The following JARID2 variants were observed in gnomAD, a reference collection of about 807,000 sequenced individuals.
JARID2 encodes protein Jumonji.
JARID2 carries 21 observed loss-of-function variants against 125.6 expected under a neutral mutation model. That is an observed-to-expected ratio of 0.17 (90% CI 0.12 to 0.24). The LOEUF is 0.24. JARID2 is among the 10% of genes least tolerant of loss of function. The pLI is 1.00. For missense variants in JARID2, 1,303 were observed against 1,639.6 expected (o/e 0.79, Z 3.55); for synonymous variants, 736 against 661.6 (o/e 1.11, Z -1.73).
At chr6:15,474,214 A>C (rs545097453) in intron 5 of JARID2, among the ~76,000 whole-genome samples, 4 of 152,356 alleles carry the variant, frequency 2.6e-5, no homozygotes, top group Admixed American at 1.3e-4. Flanking sequence ...TAGAGAAGGA[A>C]ATTATTGATC....
At chr6:15,297,839 C>T (rs1375678235) in intron 1 of JARID2, among the ~76,000 whole-genome samples, 1 of 151,838 alleles carries the variant, frequency 6.6e-6, no homozygotes, top group African/African-American at 2.4e-5. Context: ...CCTAGATTTT[C>T]TCTACAAATG....
At chr6:15,413,767 C>T (rs1013624619) in intron 3 of JARID2, among the ~76,000 whole-genome samples, 1 of 152,124 alleles carries the variant, frequency 6.6e-6, no homozygotes, top group Non-Finnish European at 1.5e-5. Context: ...CATGCCTCCA[C>T]GCCTGTCTAA....
intron 1 of JARID2, among the ~76,000 whole-genome samples, chr6:15,344,215 G>T (rs914914828): frequency 6.6e-6 from 1 of 151,006 alleles, no homozygotes; most frequent in Admixed American, 6.6e-5. Flanking sequence ...ATGAAAGAGG[G>T]AGATGTTTAC....
chr6:15,507,433 C>T lies in JARID2; in HGVS notation c.2731+17C>T. 1 of 1,610,766 alleles carries T rather than the reference C, an allele frequency of 6.2e-7. No individual in the cohort carries two copies. The highest frequency in any genetic ancestry group is 1.1e-5 in the South Asian group (1 of 90,918). On this transcript the variant is annotated intron_variant, in intron 11 of 17. Transcript: ENST00000341776. ...CTGTGCCTGGTAAGCCTGACTGTGG[C>T]CGCCTGCCTGTGGCAGCTGTGTCCA...
At chr6:15,440,087 G>A (rs1425458940) in intron 3 of JARID2, among the ~76,000 whole-genome samples, 2 of 152,198 alleles carry the variant, frequency 1.3e-5, no homozygotes, top group African/African-American at 2.4e-5. Flanking sequence ...TTTGACTTGA[G>A]ATGTAGTCAG....
At chr6:15,248,294 G>A (rs1314397087) in intron 1 of JARID2, 1 of 158,900 alleles carries the variant, frequency 6.3e-6, no homozygotes, top group Non-Finnish European at 1.3e-5. Flanking sequence ...GCCTATAGGG[G>A]GCATACTCCG....
chr6:15,501,338 G>A lies in JARID2; in HGVS notation c.2377G>A (p.Glu793Lys). 6.2e-7 allele frequency: 1 copy of A among 1,602,310 alleles called. No homozygotes were observed. Among genetic ancestry groups the A allele is most frequent in the East Asian group, 2.2e-5 (1 of 44,716 alleles). The stretch of plus-strand genomic sequence containing the variant: ...TGGCCGGCGGCGACTCTTCGCTCAG[G>A]AAAAAGAAGTGGTCAAGGAAGAGGA... ...KTGRRRLFAQ[E>K]KEVVKEEEED... The change falls in exon 8 of 18, where the codon GAA becomes AAA. Residue 793 changes from glutamate to lysine, a missense_variant. Coordinates refer to ENST00000341776, the MANE Select transcript of JARID2 (RefSeq NM_004973.4).
rs566123582 is a variant in JARID2 at position 15,439,353 on chromosome 6, G to A, written c.324-12653G>A. On this transcript the variant is annotated intron_variant, in intron 3 of 17. Transcript: ENST00000341776. ...TGCTGTTATGTTTTATTAGGATGTC[G>A]TGCAATTTATTCTCCCGTTTCTTTC... Among the ~76,000 whole-genome samples, 118 of 152,208 alleles carry A rather than the reference G, an allele frequency of 7.8e-4. 1 individual carries two copies. The highest frequency in any genetic ancestry group is 2.6e-3 in the African/African-American group (110 of 41,522).
At chr6:15,487,253 G>C (rs1052530707) in intron 5 of JARID2, 54 bp from the exon 6 acceptor site, 1 of 1,441,908 alleles carries the variant, frequency 6.9e-7, no homozygotes, top group African/African-American at 1.4e-5. Flanking sequence ...TCAGTAGTTT[G>C]CGTGGTAGTG....
intron 1 of JARID2, among the ~76,000 whole-genome samples, chr6:15,283,195 G>C (rs538638524): frequency 6.7e-6 from 1 of 148,168 alleles, no homozygotes; most frequent in South Asian, 2.2e-4. Context: ...AGCCAGGACG[G>C]TCTCGATCTG....
At chr6:15,481,366 A>G (rs968524049) in intron 5 of JARID2, among the ~76,000 whole-genome samples, 3 of 152,176 alleles carry the variant, frequency 2.0e-5, no homozygotes, top group African/African-American at 7.2e-5. Flanking sequence ...ATTTCTTTTA[A>G]TTGGGGACAG....
intron 1 of JARID2, among the ~76,000 whole-genome samples, chr6:15,266,858 G>A (rs1760104693): frequency 6.6e-6 from 1 of 152,220 alleles, no homozygotes; most frequent in African/African-American, 2.4e-5. Context: ...CAGGGCGCCA[G>A]CTGACCACTG....
intron 1 of JARID2, among the ~76,000 whole-genome samples, chr6:15,331,073 T>C (rs1042351807): frequency 2.0e-5 from 3 of 152,176 alleles, no homozygotes; most frequent in African/African-American, 7.2e-5. Context: ...ATGTGATAGC[T>C]CACACCTGCA....
Position 15,353,403 on chromosome 6 carries a change from A to G in JARID2, c.46-20714A>G, listed in dbSNP as rs117518553. 1.9e-3 allele frequency among the ~76,000 whole-genome samples: 287 copies of G among 152,356 alleles called. 2 individuals carry two copies. The East Asian group carries it at 0.048, about 25-fold the overall frequency. ...ATTCTGAGAGAGCTTTGATTCATTC[A>G]TATCTTACTTAAATTTCTACTTAAA... On this transcript the variant is annotated intron_variant, in intron 1 of 17. Transcript: ENST00000341776.
chr6:15,483,121 C>G (rs1343401653), intron 5 of JARID2, among the ~76,000 whole-genome samples: 1 of 152,148 alleles, frequency 6.6e-6, no homozygotes, highest in Non-Finnish European at 1.5e-5. Context: ...TAAGTAAAAA[C>G]TACAAATAAC....
intron 3 of JARID2, among the ~76,000 whole-genome samples, chr6:15,416,719 GA>G (rs1250819764): frequency 2.8e-5 from 4 of 145,420 alleles, no homozygotes; most frequent in African/African-American, 5.1e-5. Flanking sequence ...GGGAGAGGGA[GA>G]GGGGGGAGAG....
chr6:15,504,659 C>G, intron 9 of JARID2, 67 bp downstream of exon 9: 7 of 970,396 alleles, frequency 7.2e-6, no homozygotes, highest in South Asian at 2.6e-5. Context: ...TGGAGGACAT[C>G]CTGTCCTGCC....
chr6:15,504,594 TG>T lies in JARID2; in HGVS notation c.2541+3del. The T allele has an allele frequency of 1.2e-6, 2 of 1,608,862 alleles. No individual in the cohort carries two copies. Among genetic ancestry groups the T allele is most frequent in the Non-Finnish European group, 1.7e-6 (2 of 1,175,240 alleles). On this transcript the variant is annotated splice_donor_region_variant and intron_variant, in intron 9 of 17. Transcript: ENST00000341776. ...GAGCCTGCCCCAGCCGAAATCGAGG[TG>T]AGAGAAGGGGCCCCTCACGCTGCCT...
intron 1 of JARID2, among the ~76,000 whole-genome samples, chr6:15,337,704 T>C (rs1488480721): frequency 1.3e-5 from 2 of 151,322 alleles, no homozygotes; most frequent in Non-Finnish European, 2.9e-5. Context: ...TCTTAAACTG[T>C]TTCTCTCTTT....
Sources: gnomAD v4.1 joint callset for allele counts (sites outside exome capture counted in the v4.1 genomes callset) on GRCh38, gnomAD v4.1.1 for gene constraint, MANE v1.5 for transcripts, NCBI Gene and HGNC (gene_info 2026-07-23, HGNC 2026-07-21) for gene names.